The following KIFBP variants were observed in gnomAD, a reference collection of about 807,000 sequenced individuals.
The protein encoded by KIFBP is KIF-binding protein.
In KIFBP, 46 loss-of-function variants were observed where a neutral mutation model predicts 58.9. The observed-to-expected ratio is 0.78, with a 90% confidence interval of 0.62 to 1.00. KIFBP has a LOEUF of 1.00. KIFBP is among the 50% of genes least tolerant of loss of function. The probability of loss-of-function intolerance (pLI) is 0.00; values close to 1 mark genes in which losing one functional copy is unlikely to be tolerated. For synonymous variants in KIFBP, 241 were observed against 283.4 expected, an observed-to-expected ratio of 0.85 and a Z score of 1.50; for missense variants, 651 against 752.9, an observed-to-expected ratio of 0.86 and a Z score of 1.58.
chr10:69,016,733 G>T lies in KIFBP; in HGVS notation c.*317G>T, dbSNP rs1489708939. Reference sequence around the variant, plus strand: ...TTGGCTAGTACTTGATAGATTCCTTGTAAGAAAAAATGCTGGGTAATGTAC... The same window carrying T: ...TTGGCTAGTACTTGATAGATTCCTTTTAAGAAAAAATGCTGGGTAATGTAC... On this transcript the variant is annotated 3_prime_UTR_variant, in exon 7 of 7. Transcript: ENST00000361983. 4.1e-6 allele frequency: 1 copy of T among 241,238 alleles called. No individual in the cohort carries two copies. Among genetic ancestry groups the T allele is most frequent in the East Asian group, 8.9e-5 (1 of 11,174 alleles). 14.9% of individuals were successfully genotyped at this position (241,238 alleles called of 1,614,324 possible). A position where few individuals can be genotyped will look rare whatever the true frequency, so the allele number is the denominator to read the frequency against.
At chr10:69,006,672 T>G (rs1279564215) in intron 4 of KIFBP, among the ~76,000 whole-genome samples, 1 of 152,238 alleles carries the variant, frequency 6.6e-6, no homozygotes, top group East Asian at 1.9e-4. Context: ...TTTATTTATA[T>G]TTCGAATTCG....
chr10:68,994,251 CAT>C (rs1333173404), intron 1 of KIFBP, among the ~76,000 whole-genome samples: 2 of 151,974 alleles, frequency 1.3e-5, no homozygotes, highest in Admixed American at 6.6e-5. Context: ...CACACACACA[CAT>C]ACTTACATTA....
chr10:69,008,780 G>T (rs1843562911), intron 4 of KIFBP, 61 bp from the exon 5 acceptor site: 1 of 1,225,536 alleles, frequency 8.2e-7, no homozygotes, highest in Admixed American at 1.7e-5. Context: ...AATTATGCAA[G>T]TATCAGTTGC....
intron 5 of KIFBP, among the ~76,000 whole-genome samples, 184 bp downstream of exon 5, chr10:69,009,109 G>A (rs1364340856): frequency 6.6e-6 from 1 of 152,114 alleles, no homozygotes; most frequent in Non-Finnish European, 1.5e-5. Context: ...TTGGAGAGAA[G>A]GTTACATACA....
intron 2 of KIFBP, among the ~76,000 whole-genome samples, chr10:69,004,240 A>C (rs1843505620): frequency 6.6e-6 from 1 of 151,064 alleles, no homozygotes; most frequent in African/African-American, 2.4e-5. Flanking sequence ...AAAAAAAAAA[A>C]AACTTAAAGA....
At chr10:68,994,319 GTA>G (rs1171831828) in intron 1 of KIFBP, among the ~76,000 whole-genome samples, 1 of 152,072 alleles carries the variant, frequency 6.6e-6, no homozygotes, top group Admixed American at 6.6e-5. Context: ...AAATACGTAT[GTA>G]TGTGTGTGTA....
At position 69,005,782 on chromosome 10, in the gene KIFBP, A is replaced by C; in HGVS notation, c.656A>C (p.Gln219Pro). 1 of 1,613,970 alleles carries C rather than the reference A, an allele frequency of 6.2e-7. No homozygotes were observed. Among genetic ancestry groups the C allele is most frequent in the Non-Finnish European group, 8.5e-7 (1 of 1,179,806 alleles). Residue 219 changes from glutamine (Q) to proline (P), a missense_variant, in exon 4 of 7, where the codon CAG becomes CCG. Gln to Pro is a moderately conservative substitution (Grantham distance 76, BLOSUM62 -1). Coordinates refer to ENST00000361983, the MANE Select transcript of KIFBP (RefSeq NM_015634.4). The part of the protein sequence containing the change: ...HNLYYLAQVY[Q>P]HLEMFEKAAH... ...CTATATTACCTAGCTCAAGTCTACC[A>C]GCATCTGGAAATGTTTGAGAAGGCT...
At chr10:69,015,306 G>A in intron 6 of KIFBP, 1 of 476,614 alleles carries the variant, frequency 2.1e-6, no homozygotes, top group East Asian at 3.7e-5. Context: ...CAGAATAAAT[G>A]ATATGTAAGC....
intron 1 of KIFBP, among the ~76,000 whole-genome samples, chr10:69,000,215 A>G (rs1418226371): frequency 2.0e-5 from 3 of 152,218 alleles, no homozygotes; most frequent in Non-Finnish European, 2.9e-5. Flanking sequence ...ACCTAAGAGC[A>G]TGAATACCCC....
chr10:68,997,559 A>G (rs768101796), intron 1 of KIFBP, among the ~76,000 whole-genome samples: 3 of 152,048 alleles, frequency 2.0e-5, no homozygotes, highest in Non-Finnish European at 4.4e-5. Context: ...AGCCTGTGGA[A>G]CTGTGACCCA....
At position 69,009,957 on chromosome 10, in the gene KIFBP, C is replaced by T. The variant is rs571842381; in HGVS notation, c.875-943C>T. On this transcript the variant is annotated intron_variant, in intron 5 of 6. Coordinates refer to ENST00000361983, the MANE Select transcript of KIFBP (RefSeq NM_015634.4). ...GACTCTTAAGAGCTAAAGGAATGTA[C>T]ATTATCAAAGTAAATAGTTGCTTTC... Among the ~76,000 whole-genome samples, 6 of 152,206 alleles carry T rather than the reference C, an allele frequency of 3.9e-5. No individual in the cohort carries two copies. In the South Asian group the frequency reaches 6.2e-4, roughly 16 times the overall value.
At chr10:69,002,196 G>T (rs1843474263) in intron 2 of KIFBP, among the ~76,000 whole-genome samples, 2 of 150,678 alleles carry the variant, frequency 1.3e-5, no homozygotes, top group Non-Finnish European at 3.0e-5. Context: ...GTCTCGCTCT[G>T]TTGTCCAGGC....
chr10:68,992,444 A>G (rs1314243179), intron 1 of KIFBP, among the ~76,000 whole-genome samples: 3 of 152,226 alleles, frequency 2.0e-5, no homozygotes, highest in African/African-American at 7.2e-5. Context: ...GCAGTGGTGT[A>G]GAAAAATAGG....
chr10:68,990,268 ATCT>A (rs1429980497), intron 1 of KIFBP, among the ~76,000 whole-genome samples: 1 of 152,134 alleles, frequency 6.6e-6, no homozygotes, highest in Non-Finnish European at 1.5e-5. Context: ...AGTGGCTCCC[ATCT>A]GTAATCCCAG....
chr10:69,005,082 C>G lies in KIFBP; in HGVS notation c.562C>G (p.Leu188Val). Residue 188 changes from leucine (L) to valine (V), a missense_variant, in exon 3 of 7, where the codon CTT becomes GTT. Coordinates refer to ENST00000361983, the MANE Select transcript of KIFBP (RefSeq NM_015634.4). ...SPPLDPTERF[L>V]PEEEKLTEQE... ...TCCTCTTGATCCTACTGAGCGTTTT[C>G]TTCCTGAAGAAGAGAAACTTACTGA... 6.2e-7 allele frequency: 1 copy of G among 1,613,606 alleles called. No homozygotes were observed. Among genetic ancestry groups the G allele is most frequent in the East Asian group, 2.2e-5 (1 of 44,842 alleles).
At chr10:68,999,932 C>T (rs1214389938) in intron 1 of KIFBP, 1 of 163,888 alleles carries the variant, frequency 6.1e-6, no homozygotes, top group Non-Finnish European at 1.3e-5. Context: ...GTAGTCCCAG[C>T]TACTTGGGAG....
In KIFBP at chr10:68,992,502, A is replaced by C. The variant is rs78115362; in HGVS notation, c.426+3244A>C. On this transcript the variant is annotated intron_variant, in intron 1 of 6. Transcript: ENST00000361983. ...AAAACTACCTCAAGAAGAACAATCT[A>C]ATGTAACAGTATTTGTAACGCTTCC... Among the ~76,000 whole-genome samples the C allele has an allele frequency of 6.3e-3, 959 of 152,296 alleles. 5 individuals are homozygous for C. The highest frequency in any genetic ancestry group is 9.7e-3 in the Non-Finnish European group (660 of 68,018).
intron 1 of KIFBP, among the ~76,000 whole-genome samples, chr10:68,994,138 A>T (rs1259544590): frequency 6.6e-6 from 1 of 152,008 alleles, no homozygotes; most frequent in Admixed American, 6.6e-5. Flanking sequence ...GTAAGCTAAG[A>T]TGGTGTCACT....
chr10:69,007,025 G>A (rs943853312), intron 4 of KIFBP: 3 of 152,100 alleles, frequency 2.0e-5, no homozygotes, highest in African/African-American at 7.2e-5. Context: ...CAGTGCCTCC[G>A]CTTGTGACAT....
Sources: allele counts gnomAD v4.1 joint callset (sites outside exome capture counted in the v4.1 genomes callset), GRCh38; gene constraint gnomAD v4.1.1; transcripts MANE v1.5; gene names NCBI Gene and HGNC (gene_info 2026-07-23, HGNC 2026-07-21).